CMC2: variants seen among roughly 807,000 people sequenced by gnomAD.
CMC2 encodes the protein COX assembly mitochondrial protein 2 homolog.
CMC2 carries 5 observed loss-of-function variants against 7.5 expected under a neutral mutation model. The observed-to-expected ratio is 0.66, with a 90% CI of 0.35 to 1.40. CMC2 has a LOEUF of 1.40. Ranked by LOEUF, CMC2 falls within the 40% of genes most tolerant of loss-of-function variation. The probability of loss-of-function intolerance (pLI) is 0.04; values close to 1 mark genes in which losing one functional copy is unlikely to be tolerated. For missense variants in CMC2, 115 were observed against 92.3 expected (o/e 1.25, Z -1.01); for synonymous variants, 37 against 31.4 (o/e 1.18, Z -0.60).
Position 80,970,826 on chromosome 16 carries a change from G to A in CMC2, c.*5267C>T, listed in dbSNP as rs1597201022. On this transcript the variant is annotated 3_prime_UTR_variant, in exon 4 of 4. Transcript: ENST00000219400. The stretch of plus-strand genomic sequence containing the variant: ...GCAGGGGCTCATGCCTATAATCCCT[G>A]CTTTATAAAAAAATTTTAAGAGATA... The A allele has an allele frequency of 6.6e-6, 1 of 152,022 alleles. No individual in the cohort carries two copies. The highest frequency in any genetic ancestry group is 1.9e-4 in the East Asian group (1 of 5,196). 9.4% of individuals were successfully genotyped at this position (152,022 alleles called of 1,614,324 possible). A position where few individuals can be genotyped will look rare whatever the true frequency, so the allele number is the denominator to read the frequency against.
rs1458827386 is a variant in CMC2, at chr16:80,969,251, G to C, written c.*6842C>G. On this transcript the variant is annotated 3_prime_UTR_variant, in exon 4 of 4. Transcript: ENST00000219400. ...AATACAAATGAGTGAGGTGAGGACA[G>C]AGCATCAAGAGCCAGAGGAGTCCTG... The C allele has an allele frequency of 6.6e-6, 1 of 152,250 alleles. No individual in the cohort carries two copies. The highest frequency in any genetic ancestry group is 2.4e-5 in the African/African-American group (1 of 41,442). 9.4% of individuals were successfully genotyped at this position (152,250 alleles called of 1,614,324 possible).
chr16:80,998,956 G>A (rs1473811649), intron 1 of CMC2: 3 of 137,668 alleles, frequency 2.2e-5, no homozygotes, highest in East Asian at 2.1e-4. Flanking sequence ...CAAAATAAGA[G>A]CCATCTATGA....
chr16:80,997,576 G>C (rs2151646419), intron 1 of CMC2, 147 bp from the exon 2 acceptor site: 1 of 496,990 alleles, frequency 2.0e-6, no homozygotes, highest in Non-Finnish European at 3.6e-6. Context: ...TATTAAACTT[G>C]AGACAAAGCT....
At chr16:80,989,390 GATTAT>G (rs1198112807) in intron 2 of CMC2, among the ~76,000 whole-genome samples, 2 of 152,106 alleles carry the variant, frequency 1.3e-5, no homozygotes, top group Non-Finnish European at 2.9e-5. Context: ...TTATTCAATT[GATTAT>G]ATTATTTTCA....
At chr16:80,995,737 T>G (rs1009621819) in intron 2 of CMC2, among the ~76,000 whole-genome samples, 2 of 152,056 alleles carry the variant, frequency 1.3e-5, no homozygotes, top group Admixed American at 1.3e-4. Flanking sequence ...CAACAAAAAG[T>G]AGTGCAGTGG....
intron 2 of CMC2, among the ~76,000 whole-genome samples, chr16:80,990,685 T>C (rs975714154): frequency 3.3e-5 from 5 of 152,184 alleles, no homozygotes; most frequent in African/African-American, 9.7e-5. Context: ...ACGAAATATA[T>C]CCTGGAAGTC....
chr16:80,979,315 T>C (rs1287701059), intron 3 of CMC2, among the ~76,000 whole-genome samples: 1 of 151,962 alleles, frequency 6.6e-6, no homozygotes, highest in African/African-American at 2.4e-5. Context: ...TAGAAAAGAA[T>C]TCAAAGAGAA....
At position 80,981,857 on chromosome 16, in the gene CMC2, A is replaced by G. The variant is rs374799795; in HGVS notation, c.102T>C (p.Phe34=). The G allele has an allele frequency of 8.7e-6, 14 of 1,608,906 alleles. No individual in the cohort carries two copies. The African/African-American group carries it at 1.3e-4, about 15-fold the overall frequency. ...CHKNHNILKF[F]GYCNDVDREL... ...CCCGATCAACATCATTACAATAACC[A>G]AAAAATTTCAGAATGTTGTGCTAAA... Residue 34 remains phenylalanine, a synonymous_variant, in exon 3 of 4, where the codon TTT becomes TTC. Coordinates refer to ENST00000219400, the MANE Select transcript of CMC2 (RefSeq NM_020188.5).
rs768875620 is a variant in CMC2, at chr16:80,981,847, T to C, written c.112A>G (p.Asn38Asp). 6.2e-7 allele frequency: 1 copy of C among 1,610,702 alleles called. No homozygotes were observed. Among genetic ancestry groups the C allele is most frequent in the Non-Finnish European group, 8.5e-7 (1 of 1,178,006 alleles). ...TTTCTCAACTCCCGATCAACATCAT[T>C]ACAATAACCAAAAAATTTCAGAATG... is the stretch of plus-strand genomic sequence containing the variant. ...HNILKFFGYC[N>D]DVDRELRKCL... Residue 38 changes from asparagine (N) to aspartate (D), a missense_variant, in exon 3 of 4, where the codon AAT becomes GAT. Asn to Asp is a conservative substitution (Grantham distance 23). Coordinates refer to ENST00000219400, the MANE Select transcript of CMC2 (RefSeq NM_020188.5).
intron 1 of CMC2, among the ~76,000 whole-genome samples, chr16:81,005,998 A>C (rs1160655361): frequency 6.6e-6 from 1 of 152,194 alleles, no homozygotes; most frequent in African/African-American, 2.4e-5. Flanking sequence ...AATCAACTAA[A>C]CAAGTGCAAA....
intron 3 of CMC2, 32 bp downstream of exon 3, chr16:80,981,774 C>A: frequency 7.1e-7 from 1 of 1,401,728 alleles, no homozygotes; most frequent in South Asian, 1.2e-5. Context: ...TTCTATTGTT[C>A]AACCATATCC....
At chr16:80,978,445 T>C (rs1397081422) in intron 3 of CMC2, 10 of 1,173,706 alleles carry the variant, frequency 8.5e-6, no homozygotes, top group African/African-American at 1.7e-5. Flanking sequence ...AGGATGAATA[T>C]GAAGTTACTC....
chr16:80,996,943 C>G (rs1461682258), intron 2 of CMC2: 1 of 419,766 alleles, frequency 2.4e-6, no homozygotes, highest in Non-Finnish European at 4.6e-6. Context: ...AGAATGGTAG[C>G]CATCAAAGAG....
chr16:80,980,011 T>C (rs1008229623), intron 3 of CMC2, among the ~76,000 whole-genome samples: 6 of 150,790 alleles, frequency 4.0e-5, no homozygotes, highest in African/African-American at 1.5e-4. Context: ...CATGAACTCC[T>C]GGGCTCAAGC....
intron 3 of CMC2, among the ~76,000 whole-genome samples, chr16:80,976,829 C>T (rs989849922): frequency 6.6e-6 from 1 of 152,198 alleles, no homozygotes; most frequent in Non-Finnish European, 1.5e-5. Context: ...CCACTTACTA[C>T]CTTTTGCGCT....
chr16:80,981,655 C>G, intron 3 of CMC2, 151 bp downstream of exon 3: 1 of 507,084 alleles, frequency 2.0e-6, no homozygotes, highest in South Asian at 3.7e-5. Flanking sequence ...GCTTTCATTT[C>G]TTCCCCTAAA....
intron 2 of CMC2, among the ~76,000 whole-genome samples, chr16:80,989,480 T>C (rs1967805545): frequency 1.3e-5 from 2 of 152,190 alleles, no homozygotes; most frequent in South Asian, 4.1e-4. Flanking sequence ...TAACAGTCCC[T>C]ATCATTCTTT....
intron 2 of CMC2, 42 bp from the exon 3 acceptor site, chr16:80,981,919 T>C (rs1237553401): frequency 7.6e-6 from 10 of 1,310,212 alleles, no homozygotes; most frequent in South Asian, 1.2e-5. Context: ...TCCCATAATA[T>C]GCCAAGGTTT....
Position 80,971,582 on chromosome 16 carries a change from A to ATATG in CMC2, c.*4507_*4510dup, listed in dbSNP as rs1284994690. 2 of 137,120 alleles carry ATATG rather than the reference A, an allele frequency of 1.5e-5. No homozygotes were observed. Among genetic ancestry groups the ATATG allele is most frequent in the Non-Finnish European group, 3.0e-5 (2 of 66,186 alleles). The allele number at this position is 137,120 out of a possible 1,614,324, so 8.5% of individuals were successfully genotyped here. A position where few individuals can be genotyped will look rare whatever the true frequency, so the allele number is the denominator to read the frequency against. ...ATACATTTTATATATATATATATATATATGTATGAAATCATGCATATATAT... is the reference window on the plus strand; with the variant it reads ...ATACATTTTATATATATATATATATATATGTATGTATGAAATCATGCATATATAT... On this transcript the variant is annotated 3_prime_UTR_variant, in exon 4 of 4. Transcript: ENST00000219400.
Sources: gnomAD v4.1 joint callset for allele counts (sites outside exome capture counted in the v4.1 genomes callset) on GRCh38, gnomAD v4.1.1 for gene constraint, MANE v1.5 for transcripts, NCBI Gene and HGNC (gene_info 2026-07-23, HGNC 2026-07-21) for gene names.